Variants in SRP9 observed in about 807,000 individuals in gnomAD.
SRP9 encodes signal recognition particle 9 kDa protein.
In SRP9, 2 loss-of-function variants were observed where a neutral mutation model predicts 11.7. That is an observed-to-expected ratio of 0.17 (90% CI 0.07 to 0.54). SRP9 has a LOEUF of 0.54. Ranked by LOEUF, SRP9 falls within the 20% of genes least tolerant of loss-of-function variation. SRP9 has a pLI of 0.94. For synonymous variants in SRP9, 27 were observed against 35.6 expected (o/e 0.76, Z 0.86); for missense variants, 54 against 108.1 (o/e 0.50, Z 2.22).
intron 2 of SRP9, chr1:225,786,795 G>T: frequency 8.0e-7 from 1 of 1,252,204 alleles, no homozygotes; most frequent in Non-Finnish European, 1.0e-6. Flanking sequence ...GCTTACCCTT[G>T]GTAGATTGAG....
intron 2 of SRP9, 61 bp downstream of exon 2, chr1:225,783,429 G>C: frequency 1.5e-6 from 2 of 1,363,846 alleles, no homozygotes; most frequent in South Asian, 2.4e-5. Flanking sequence ...TTATTTGTTT[G>C]AAATTATTTA....
intron 2 of SRP9, among the ~76,000 whole-genome samples, chr1:225,788,246 T>C (rs1448095397): frequency 6.6e-6 from 1 of 151,758 alleles, no homozygotes; most frequent in Admixed American, 6.6e-5. Flanking sequence ...AATAGAAAAA[T>C]TAGCTAGGTG....
intron 2 of SRP9, 53 bp downstream of exon 2, chr1:225,783,421 A>C (rs1280831502): frequency 6.4e-6 from 9 of 1,413,088 alleles, no homozygotes; most frequent in Middle Eastern, 2.1e-4. Context: ...TGAGTTAATT[A>C]TTTGTTTGAA....
intron 2 of SRP9, among the ~76,000 whole-genome samples, chr1:225,785,198 G>A (rs1476369499): frequency 6.6e-6 from 1 of 150,920 alleles, no homozygotes; most frequent in East Asian, 2.0e-4. Context: ...AGCCTCCTGA[G>A]TAGCTGGGAC....
At chr1:225,789,162 T>C (rs541396846) in intron 2 of SRP9, 78 bp from the exon 3 acceptor site, 1 of 1,556,012 alleles carries the variant, frequency 6.4e-7, no homozygotes, top group Non-Finnish European at 8.7e-7. Context: ...CTCTCAAAAT[T>C]TTACCCAATT....
At chr1:225,779,170 A>T (rs1435220472) in intron 1 of SRP9, among the ~76,000 whole-genome samples, 4 of 151,358 alleles carry the variant, frequency 2.6e-5, no homozygotes, top group Admixed American at 2.0e-4. Context: ...TTTGAGACGA[A>T]ATCTCGCACT....
At chr1:225,780,669 A>AC (rs1665777254) in intron 1 of SRP9, among the ~76,000 whole-genome samples, 1 of 152,110 alleles carries the variant, frequency 6.6e-6, no homozygotes, top group South Asian at 2.1e-4. Context: ...AGATCTTTGA[A>AC]CCCCAAGTCC....
chr1:225,787,850 T>C (rs778526184), intron 2 of SRP9, among the ~76,000 whole-genome samples: 2 of 152,138 alleles, frequency 1.3e-5, no homozygotes, highest in Admixed American at 6.6e-5. Context: ...CCGCACAAAT[T>C]TGTACAATGC....
intron 1 of SRP9, 59 bp from the exon 2 acceptor site, chr1:225,783,241 A>G: frequency 7.2e-7 from 1 of 1,389,414 alleles, no homozygotes; most frequent in Non-Finnish European, 1.0e-6. Flanking sequence ...TGAAGACTAA[A>G]TTATTTATAA....
At chr1:225,780,167 A>T (rs1052821029) in intron 1 of SRP9, among the ~76,000 whole-genome samples, 6 of 138,324 alleles carry the variant, frequency 4.3e-5, no homozygotes, top group Non-Finnish European at 7.6e-5. Context: ...ACATGCCACC[A>T]TGCCTGCCTA....
At chr1:225,781,857 A>C (rs6426087) in intron 1 of SRP9, among the ~76,000 whole-genome samples, 130,780 of 152,208 alleles carry the variant, frequency 0.86, 56,488 homozygotes, top group East Asian at 1. Flanking sequence ...TTTACTAGAT[A>C]AATAAATAGA....
chr1:225,786,365 T>G (rs913017697), intron 2 of SRP9, among the ~76,000 whole-genome samples: 3 of 152,256 alleles, frequency 2.0e-5, no homozygotes, highest in Admixed American at 2.0e-4. Context: ...TTATTTCCAT[T>G]GCCTACTATG....
chr1:225,786,931 C>G (rs1171676798), intron 2 of SRP9: 2 of 755,386 alleles, frequency 2.6e-6, no homozygotes, highest in Non-Finnish European at 2.0e-6. Flanking sequence ...CATCCTCGAC[C>G]TCCTGGGCTC....
At position 225,789,428 on chromosome 1, in the gene SRP9, G is replaced by A; in HGVS notation, c.*69G>A. 2.1e-6 allele frequency: 3 copies of A among 1,455,510 alleles called. No homozygotes were observed. The South Asian group carries it at 4.1e-5, about 20-fold the overall frequency. 90.2% of individuals were successfully genotyped at this position (1,455,510 alleles called of 1,614,324 possible). A position where few individuals can be genotyped will look rare whatever the true frequency, so the allele number is the denominator to read the frequency against. On this transcript the variant is annotated 3_prime_UTR_variant, in exon 3 of 3. Coordinates refer to ENST00000304786, the MANE Select transcript of SRP9 (RefSeq NM_003133.6). ...ATCTTTTGAATTAGAGAAAGTGTTGGGACAGAAAGTACTTTATGTAACTAA... is the reference window on the plus strand; with the variant it reads ...ATCTTTTGAATTAGAGAAAGTGTTGAGACAGAAAGTACTTTATGTAACTAA...
intron 1 of SRP9, 114 bp downstream of exon 1, chr1:225,778,126 A>C: frequency 8.7e-7 from 1 of 1,145,980 alleles, no homozygotes; most frequent in Non-Finnish European, 1.3e-6. Flanking sequence ...AATGAACACA[A>C]ATGGACCCTG....
intron 2 of SRP9, among the ~76,000 whole-genome samples, chr1:225,788,846 T>A (rs571062790): frequency 4.6e-5 from 7 of 152,370 alleles, no homozygotes; most frequent in Middle Eastern, 3.4e-3. Flanking sequence ...TCTGTGTTTT[T>A]TTTTCCAGCA....
rs181292252 is a variant in SRP9, at chr1:225,787,357, A to G, written c.142-1883A>G. Among the ~76,000 whole-genome samples the G allele has an allele frequency of 5.9e-5, 9 of 152,038 alleles. No individual in the cohort carries two copies. In the East Asian group the frequency reaches 1.7e-3, roughly 29 times the overall value. ...AGACCAGCCTGACCAACACAGTGAA[A>G]CCCCGTCTCTACTAAAAATACAAAT... is the stretch of plus-strand genomic sequence containing the variant. On this transcript the variant is annotated intron_variant, in intron 2 of 2. Coordinates refer to ENST00000304786, the MANE Select transcript of SRP9 (RefSeq NM_003133.6).
In SRP9 at chr1:225,789,500, T is replaced by G; in HGVS notation, c.*141T>G. On this transcript the variant is annotated 3_prime_UTR_variant, in exon 3 of 3. Transcript: ENST00000304786. Reference sequence around the variant, plus strand: ...AGGTCATTTTTTGTAATTTTCTTTTTAATTACTTTAGAGAGCTAGGGATGC... The same window carrying G: ...AGGTCATTTTTTGTAATTTTCTTTTGAATTACTTTAGAGAGCTAGGGATGC... The G allele has an allele frequency of 1.0e-6, 1 of 979,646 alleles. No homozygotes were observed. Among genetic ancestry groups the G allele is most frequent in the East Asian group, 2.8e-5 (1 of 36,156 alleles). 60.7% of individuals were successfully genotyped at this position (979,646 alleles called of 1,614,324 possible).
At chr1:225,789,004 A>G (rs1665970634) in intron 2 of SRP9, 2 of 1,550,022 alleles carry the variant, frequency 1.3e-6, no homozygotes, top group Non-Finnish European at 1.7e-6. Context: ...AGAAGCTTCT[A>G]ATAGACTTCA....
Sources: allele counts gnomAD v4.1 joint callset (sites outside exome capture counted in the v4.1 genomes callset), GRCh38; gene constraint gnomAD v4.1.1; transcripts MANE v1.5; gene names NCBI Gene and HGNC (gene_info 2026-07-23, HGNC 2026-07-21).